AGAP1: variants seen among roughly 807,000 people sequenced by gnomAD.
The protein encoded by AGAP1 is arf-GAP with GTPase, ANK repeat and PH domain-containing protein 1.
In AGAP1, 29 loss-of-function variants were observed where a neutral mutation model predicts 105.3. The observed-to-expected ratio is 0.28, with a 90% CI of 0.21 to 0.38. The LOEUF is 0.38. Ranked by LOEUF, AGAP1 falls within the 10% of genes least tolerant of loss-of-function variation. AGAP1 has a pLI of 1.00. For synonymous variants in AGAP1, 509 were observed against 485.9 expected, an observed-to-expected ratio of 1.05 and a Z score of -0.63; for missense variants, 998 against 1,165.1, an observed-to-expected ratio of 0.86 and a Z score of 2.09.
chr2:235,722,365 G>C (rs2675123), intron 3 of AGAP1, among the ~76,000 whole-genome samples: 1 of 152,094 alleles, frequency 6.6e-6, no homozygotes, highest in Non-Finnish European at 1.5e-5. Context: ...TAATTAGTGC[G>C]TGAATATACT....
intron 1 of AGAP1, among the ~76,000 whole-genome samples, chr2:235,687,966 A>C (rs1949549587): frequency 8.1e-6 from 1 of 123,932 alleles, no homozygotes; most frequent in Non-Finnish European, 1.6e-5. Context: ...CAGTGGCGCC[A>C]TCTTGGCTCA....
At chr2:235,670,588 G>T in intron 1 of AGAP1, 1 of 542,104 alleles carries the variant, frequency 1.8e-6, no homozygotes, top group Non-Finnish European at 3.2e-6. Context: ...GGCCTGAGGC[G>T]CCGCAAGGCC....
At chr2:235,590,934 G>T (rs1474335347) in intron 1 of AGAP1, among the ~76,000 whole-genome samples, 2 of 151,538 alleles carry the variant, frequency 1.3e-5, no homozygotes, top group African/African-American at 4.9e-5. Flanking sequence ...TGTTAGCCAG[G>T]ATGGTCTCGA....
At chr2:235,514,619 A>G (rs1942303895) in intron 1 of AGAP1, among the ~76,000 whole-genome samples, 2 of 152,224 alleles carry the variant, frequency 1.3e-5, no homozygotes, top group South Asian at 2.1e-4. Flanking sequence ...TTCACAACCC[A>G]GCTCAGGAGT....
chr2:235,540,326 A>G (rs930461484), intron 1 of AGAP1, among the ~76,000 whole-genome samples: 1 of 151,558 alleles, frequency 6.6e-6, no homozygotes, highest in South Asian at 2.1e-4. Flanking sequence ...TAATTTTTGT[A>G]TTTTTAGTCA....
chr2:235,831,708 C>G (rs1482518162), intron 9 of AGAP1, among the ~76,000 whole-genome samples: 1 of 152,158 alleles, frequency 6.6e-6, no homozygotes, highest in African/African-American at 2.4e-5. Context: ...ATCCATTCAC[C>G]TATTGAAAGA....
intron 1 of AGAP1, among the ~76,000 whole-genome samples, chr2:235,647,713 CAA>C (rs765669938): frequency 6.6e-6 from 1 of 152,082 alleles, no homozygotes; most frequent in Non-Finnish European, 1.5e-5. Flanking sequence ...AATAGCCTCA[CAA>C]AGAAATCCTA....
intron 12 of AGAP1, among the ~76,000 whole-genome samples, chr2:235,939,536 T>TC (rs2053156508): frequency 6.6e-6 from 1 of 151,648 alleles, no homozygotes; most frequent in Non-Finnish European, 1.5e-5. Flanking sequence ...TTTCCACCTC[T>TC]CCTTCTATTC....
At chr2:235,778,886 C>T (rs912994137) in intron 6 of AGAP1, among the ~76,000 whole-genome samples, 1 of 152,244 alleles carries the variant, frequency 6.6e-6, no homozygotes, top group African/African-American at 2.4e-5. Context: ...TGTGGCCTCT[C>T]CAGCCCCGTG....
intron 6 of AGAP1, among the ~76,000 whole-genome samples, chr2:235,780,924 G>A (rs984328292): frequency 6.6e-6 from 1 of 151,956 alleles, no homozygotes; most frequent in African/African-American, 2.4e-5. Context: ...AATACTGTGG[G>A]GTTTTTAAAT....
At chr2:235,693,267 C>T (rs1949826485) in intron 1 of AGAP1, among the ~76,000 whole-genome samples, 1 of 152,174 alleles carries the variant, frequency 6.6e-6, no homozygotes, top group Non-Finnish European at 1.5e-5. Flanking sequence ...AAGGTGGTGG[C>T]ACTGTGGCCT....
intron 1 of AGAP1, among the ~76,000 whole-genome samples, chr2:235,604,074 AT>A (rs58547716): frequency 0.11 from 15,804 of 149,298 alleles, 1,959 homozygotes; most frequent in African/African-American, 0.31. Flanking sequence ...TTATTTGCTC[AT>A]TTTTTTTTTC....
At chr2:235,999,323 G>GTGGTGGTGATGA (rs2055979096) in intron 13 of AGAP1, among the ~76,000 whole-genome samples, 1 of 149,922 alleles carries the variant, frequency 6.7e-6, no homozygotes, top group African/African-American at 2.5e-5. Context: ...GGTGGTGGTG[G>GTGGTGGTGATGA]TGGTGGTGAT....
rs183070355 is a variant in AGAP1, at chr2:235,999,231, G to T, written c.1645+30608G>T. ...CCAATATGGTATGGTGGTGATGATG[G>T]TGAGAGGTTATAGTGGTGGTGACAA... On this transcript the variant is annotated intron_variant, in intron 13 of 17. Coordinates refer to ENST00000304032, the MANE Select transcript of AGAP1 (RefSeq NM_001037131.3). Among the ~76,000 whole-genome samples, 163 of 149,294 alleles carry T rather than the reference G, an allele frequency of 1.1e-3. 2 individuals carry two copies. The highest frequency in any genetic ancestry group is 2.0e-3 in the Non-Finnish European group (135 of 67,414).
In AGAP1 at chr2:236,040,507, G is replaced by T; in HGVS notation, c.1801-244G>T. On this transcript the variant is annotated intron_variant, in intron 14 of 17. Transcript: ENST00000304032. The surrounding 1 kb of genome is among the most constrained non-coding windows in gnomAD (Gnocchi z 5.6). ...AGAACTCTCCTCTTTGCTCATTTCT[G>T]GCAGAGTCCGTCTCAGCTGATGAGT... 3.8e-6 allele frequency: 2 copies of T among 530,182 alleles called. No individual in the cohort carries two copies. Among genetic ancestry groups the T allele is most frequent in the Non-Finnish European group, 6.8e-6 (2 of 294,940 alleles). The allele number at this position is 530,182 out of a possible 1,614,324, so 32.8% of individuals were successfully genotyped here.
chr2:236,115,752 C>G (rs914996658), intron 16 of AGAP1, among the ~76,000 whole-genome samples: 2 of 152,202 alleles, frequency 1.3e-5, no homozygotes, highest in African/African-American at 4.8e-5. Context: ...TCCGAGAAAA[C>G]ACTGAAATAT....
At position 235,759,231 on chromosome 2, in the gene AGAP1, T is replaced by G. The variant is rs561261847; in HGVS notation, c.673+8743T>G. Among the ~76,000 whole-genome samples, 18 of 148,394 alleles carry G rather than the reference T, an allele frequency of 1.2e-4. 1 individual carries two copies. Among genetic ancestry groups the G allele is most frequent in the Non-Finnish European group, 1.5e-5 (1 of 67,438 alleles). On this transcript the variant is annotated intron_variant, in intron 6 of 17. Coordinates refer to ENST00000304032, the MANE Select transcript of AGAP1 (RefSeq NM_001037131.3). ...TCACCCAGGCTGGACTGCAGTGGTG[T>G]GATCTCAGCTCACTGCAAGCTCCAC...
At chr2:235,654,135 G>A (rs1947700317) in intron 1 of AGAP1, among the ~76,000 whole-genome samples, 1 of 152,326 alleles carries the variant, frequency 6.6e-6, no homozygotes, top group African/African-American at 2.4e-5. Flanking sequence ...TTATCTAGAG[G>A]AGATTTTAAT....
At chr2:236,093,704 A>G (rs559948984) in intron 16 of AGAP1, among the ~76,000 whole-genome samples, 2 of 152,278 alleles carry the variant, frequency 1.3e-5, no homozygotes, top group East Asian at 1.9e-4. Flanking sequence ...TATGGACCAC[A>G]TATCAGTGGC....
Sources: allele counts gnomAD v4.1 joint callset (sites outside exome capture counted in the v4.1 genomes callset), GRCh38; gene constraint gnomAD v4.1.1; non-coding constraint Gnocchi (gnomAD v3.1); transcripts MANE v1.5; gene names NCBI Gene and HGNC (gene_info 2026-07-23, HGNC 2026-07-21).